Variants in KIAA0319L observed in about 807,000 individuals in gnomAD.
KIAA0319L encodes the protein dyslexia-associated protein KIAA0319-like protein.
In KIAA0319L, 55 loss-of-function variants were observed where a neutral mutation model predicts 120.1. The ratio of observed to expected loss-of-function variants is 0.46; its 90% confidence interval spans 0.37 to 0.57. The LOEUF (loss-of-function observed/expected upper bound fraction) is 0.57. Ranked by LOEUF, KIAA0319L falls within the 20% of genes least tolerant of loss-of-function variation. The pLI is 0.00. For synonymous variants in KIAA0319L, 398 were observed against 471.9 expected (o/e 0.84, Z 2.03); for missense variants, 1,049 against 1,255.3 (o/e 0.84, Z 2.48).
chr1:35,449,766 C>T (rs1388378175), intron 15 of KIAA0319L, 101 bp downstream of exon 15: 3 of 1,265,360 alleles, frequency 2.4e-6, no homozygotes, highest in Non-Finnish European at 3.4e-6. Flanking sequence ...GCTGGACATG[C>T]CATCTGGCTC....
chr1:35,553,399 C>A (rs975021397), intron 2 of KIAA0319L, among the ~76,000 whole-genome samples: 2 of 150,310 alleles, frequency 1.3e-5, no homozygotes, highest in Admixed American at 6.6e-5. Flanking sequence ...TCAAGTACAA[C>A]TTCCACTGCT....
chr1:35,549,127 T>C (rs973051088), intron 2 of KIAA0319L, among the ~76,000 whole-genome samples: 1 of 151,978 alleles, frequency 6.6e-6, no homozygotes, highest in South Asian at 2.1e-4. Context: ...CACAGTTCAC[T>C]GCAGTCTTGA....
At chr1:35,544,093 C>T (rs1030658801) in intron 2 of KIAA0319L, among the ~76,000 whole-genome samples, 13 of 152,278 alleles carry the variant, frequency 8.5e-5, no homozygotes, top group Admixed American at 2.6e-4. Flanking sequence ...CTGGGCCGGG[C>T]ATGGTGGCTC....
chr1:35,556,980 G>C (rs542735686), intron 1 of KIAA0319L: 1 of 152,472 alleles, frequency 6.6e-6, no homozygotes, highest in South Asian at 2.1e-4. Context: ...TCAGGGGATG[G>C]AGGGAGCTGC....
At chr1:35,484,028 T>C (rs1644272590) in intron 3 of KIAA0319L, among the ~76,000 whole-genome samples, 1 of 152,200 alleles carries the variant, frequency 6.6e-6, no homozygotes, top group African/African-American at 2.4e-5. Flanking sequence ...CCAGTCATTA[T>C]ATTAAGGGCC....
In KIAA0319L at chr1:35,453,923, TA is replaced by T. The variant is rs1021777190; in HGVS notation, c.1781-235del. 1.8e-4 allele frequency among the ~76,000 whole-genome samples: 28 copies of T among 152,314 alleles called. No homozygotes were observed. The highest frequency in any genetic ancestry group is 3.4e-3 in the Middle Eastern group (1 of 294). On this transcript the variant is annotated intron_variant, in intron 11 of 20. Coordinates refer to ENST00000325722, the MANE Select transcript of KIAA0319L (RefSeq NM_024874.5). The surrounding 1 kb of genome is among the most constrained non-coding windows in gnomAD (Gnocchi z 4.1). Reference sequence around the variant, plus strand: ...ACATAATGAAGTTATAATGCCATACTAAACTTGAACTCTAATGCTAAGGGAG... The same window carrying T: ...ACATAATGAAGTTATAATGCCATACTAACTTGAACTCTAATGCTAAGGGAG...
At chr1:35,459,559 T>G (rs1642740353) in intron 9 of KIAA0319L, among the ~76,000 whole-genome samples, 1 of 150,664 alleles carries the variant, frequency 6.6e-6, no homozygotes, top group Non-Finnish European at 1.5e-5. Flanking sequence ...ATCACGCCAC[T>G]GCACCCCAGC....
At chr1:35,511,573 T>G (rs1290620523) in intron 2 of KIAA0319L, 1 of 152,114 alleles carries the variant, frequency 6.6e-6, no homozygotes, top group East Asian at 1.9e-4. Flanking sequence ...CTACAAAAGA[T>G]AAAAATTACT....
In KIAA0319L at chr1:35,533,540, A is replaced by G. The variant is rs143476256; in HGVS notation, c.142+20810T>C. 3.7e-4 allele frequency: 57 copies of G among 152,308 alleles called. No individual in the cohort carries two copies. The East Asian group carries it at 0.011, about 28-fold the overall frequency. 9.4% of individuals were successfully genotyped at this position (152,308 alleles called of 1,614,324 possible). ...AAAATTCTTTTCTTGAAATCTCACA[A>G]TTTTCTAATATGGTCAAGACTTCAT... On this transcript the variant is annotated intron_variant, in intron 2 of 20. Transcript: ENST00000325722.
chr1:35,450,146 G>A (rs1641948221), intron 14 of KIAA0319L, 141 bp from the exon 15 acceptor site: 1 of 1,100,432 alleles, frequency 9.1e-7, no homozygotes. Context: ...GAACAGCATT[G>A]CAGCCTACAA....
chr1:35,479,966 A>AAAAAAAAAAAAAAAC (rs1644090904), intron 3 of KIAA0319L, among the ~76,000 whole-genome samples: 14 of 130,762 alleles, frequency 1.1e-4, no homozygotes, highest in East Asian at 6.1e-4. Flanking sequence ...AAAAAAAAAA[A>AAAAAAAAAAAAAAAC]AAAAAACACA....
chr1:35,527,534 G>C (rs911536138), intron 2 of KIAA0319L, among the ~76,000 whole-genome samples: 5 of 152,116 alleles, frequency 3.3e-5, no homozygotes, highest in African/African-American at 1.2e-4. Flanking sequence ...CAGGTCCTAG[G>C]CTTTTTTGGT....
At chr1:35,515,344 CA>C (rs1645638833) in intron 2 of KIAA0319L, among the ~76,000 whole-genome samples, 1 of 149,202 alleles carries the variant, frequency 6.7e-6, no homozygotes, top group East Asian at 2.1e-4. Flanking sequence ...AAAATTGTAC[CA>C]AACACACTCT....
intron 2 of KIAA0319L, among the ~76,000 whole-genome samples, chr1:35,529,983 CTTT>C: frequency 7.2e-6 from 1 of 138,594 alleles, no homozygotes; most frequent in Middle Eastern, 3.8e-3. Flanking sequence ...GTCACAATGC[CTTT>C]TTTTTTTTTT....
chr1:35,513,288 A>ATATATATATATATATATTT (rs1414704674), intron 2 of KIAA0319L, among the ~76,000 whole-genome samples: 3 of 85,302 alleles, frequency 3.5e-5, no homozygotes, highest in South Asian at 4.3e-4. Flanking sequence ...ATATATATAT[A>ATATATATATATATATATTT]TTTTTTTTTT....
rs140654538 is a variant in KIAA0319L at position 35,552,215 on chromosome 1, G to A, written c.142+2135C>T. Among the ~76,000 whole-genome samples, 726 of 152,214 alleles carry A rather than the reference G, an allele frequency of 4.8e-3. 8 individuals carry two copies. The highest frequency in any genetic ancestry group is 0.016 in the African/African-American group (669 of 41,526). On this transcript the variant is annotated intron_variant, in intron 2 of 20. Transcript: ENST00000325722. Reference sequence around the variant, plus strand: ...AAATTAGCTGGGTGTGGTGGCATGCGCCTGTAGTCCCACCTATTCGGGAGG... The same window carrying A: ...AAATTAGCTGGGTGTGGTGGCATGCACCTGTAGTCCCACCTATTCGGGAGG...
At chr1:35,435,239 TCTCCCGGG>T in intron 20 of KIAA0319L, 158 bp from the exon 21 acceptor site, 2 of 656,164 alleles carry the variant, frequency 3.0e-6, no homozygotes, top group Non-Finnish European at 5.3e-6. Context: ...CCCTAGTCCT[TCTCCCGGG>T]CCCAACTGGT....
chr1:35,536,663 T>C (rs967651365), intron 2 of KIAA0319L, among the ~76,000 whole-genome samples: 1 of 152,224 alleles, frequency 6.6e-6, no homozygotes, highest in Non-Finnish European at 1.5e-5. Context: ...AAAGTTTGCA[T>C]TAATTGGATA....
rs556472170 is a variant in KIAA0319L, at chr1:35,555,998, G to A, written c.-29+1209C>T. 5.3e-5 allele frequency among the ~76,000 whole-genome samples: 8 copies of A among 152,294 alleles called. No individual in the cohort carries two copies. In the South Asian group the frequency reaches 1.4e-3, roughly 28 times the overall value. ...TCCTCTGAAACCTATAATTGCCTAA[G>A]GGCACAAATCACTGCTAGGGTCCAG... is the stretch of plus-strand genomic sequence containing the variant. On this transcript the variant is annotated intron_variant, in intron 1 of 20. Transcript: ENST00000325722.
Sources: gnomAD v4.1 joint callset for allele counts (sites outside exome capture counted in the v4.1 genomes callset) on GRCh38, gnomAD v4.1.1 for gene constraint, Gnocchi (gnomAD v3.1) non-coding constraint, MANE v1.5 for transcripts, NCBI Gene and HGNC (gene_info 2026-07-23, HGNC 2026-07-21) for gene names.